Variants in TRAP1 observed in about 807,000 individuals in gnomAD.
TRAP1 encodes the protein TNF receptor associated protein 1.
In TRAP1, 102 loss-of-function variants were observed where a neutral mutation model predicts 89.1. The observed-to-expected ratio is 1.15, with a 90% confidence interval of 0.98 to 1.35. The LOEUF (loss-of-function observed/expected upper bound fraction) is 1.35, where lower values mean the gene tolerates loss of function less well. Ranked by LOEUF, TRAP1 falls within the 40% of genes most tolerant of loss-of-function variation. The pLI is 0.00. For synonymous variants in TRAP1, 508 were observed against 388.0 expected, an observed-to-expected ratio of 1.31 and a Z score of -3.64; for missense variants, 1,256 against 945.3, an observed-to-expected ratio of 1.33 and a Z score of -4.31.
At chr16:3,702,218 G>T (rs1292492461) in intron 1 of TRAP1, among the ~76,000 whole-genome samples, 1 of 151,362 alleles carries the variant, frequency 6.6e-6, no homozygotes, top group Non-Finnish European at 1.5e-5. Flanking sequence ...CACATCGGAT[G>T]AGGAATTCAG....
intron 14 of TRAP1, 97 bp from the exon 15 acceptor site, chr16:3,663,064 C>A: frequency 1.1e-6 from 1 of 928,792 alleles, no homozygotes; most frequent in East Asian, 2.6e-5. Context: ...CACCTCCTCT[C>A]CCACCAGGAT....
At chr16:3,671,902 T>C in intron 10 of TRAP1, 111 bp from the exon 11 acceptor site, 1 of 1,139,910 alleles carries the variant, frequency 8.8e-7, no homozygotes, top group Non-Finnish European at 1.3e-6. Flanking sequence ...CCAGCACGTG[T>C]GCTAAGAGGG....
At chr16:3,663,680 G>A (rs1011381133) in intron 13 of TRAP1, 118 bp from the exon 14 acceptor site, 1 of 1,305,156 alleles carries the variant, frequency 7.7e-7, no homozygotes, top group African/African-American at 1.5e-5. Context: ...GGGAACACCG[G>A]GGCAGTTGGG....
rs1437513612 is a variant in TRAP1 at position 3,663,437 on chromosome 16, C to A, written c.1695G>T (p.Glu565Asp). Residue 565 changes from glutamate to aspartate, a missense_variant, in exon 14 of 18, where the codon GAG (glutamate) becomes GAT (aspartate). Glu to Asp is a conservative substitution (Grantham distance 45). Transcript: ENST00000246957. ...VVDHYKEEKF[E>D]DRSPAAECLS... The stretch of plus-strand genomic sequence containing the variant: ...GGGGATGCCGACCTGGGGACCTGTC[C>A]TCAAACTTCTCCTCCTTGTAGTGAT... 6.2e-7 allele frequency: 1 copy of A among 1,614,126 alleles called. No individual in the cohort carries two copies. The highest frequency in any genetic ancestry group is 8.5e-7 in the Non-Finnish European group (1 of 1,180,006).
rs145646184 is a variant in TRAP1, at chr16:3,668,992, C to T, written c.1235+2730G>A. 3.7e-3 allele frequency among the ~76,000 whole-genome samples: 571 copies of T among 152,330 alleles called. 3 individuals are homozygous for T. The highest frequency in any genetic ancestry group is 0.013 in the African/African-American group (543 of 41,584). ...CTGCCTCCACTTCATCCGTGAGCTT[C>T]CCAGATGAGGCCAGACGTGTCCTCA... On this transcript the variant is annotated intron_variant, in intron 11 of 17. Transcript: ENST00000246957.
At chr16:3,697,679 A>G (rs2051308298) in intron 1 of TRAP1, among the ~76,000 whole-genome samples, 1 of 151,292 alleles carries the variant, frequency 6.6e-6, no homozygotes, top group Non-Finnish European at 1.5e-5. Flanking sequence ...AAAAAAAAAA[A>G]GGAAATTAGT....
At chr16:3,672,924 C>A in intron 9 of TRAP1, 104 bp from the exon 10 acceptor site, 1 of 1,441,538 alleles carries the variant, frequency 6.9e-7, no homozygotes, top group Non-Finnish European at 9.2e-7. Flanking sequence ...CCACTCCCGC[C>A]TCGCCCTCCC....
At chr16:3,692,554 A>G (rs949937344) in intron 1 of TRAP1, among the ~76,000 whole-genome samples, 3 of 150,734 alleles carry the variant, frequency 2.0e-5, no homozygotes, top group African/African-American at 7.3e-5. Context: ...AAAAAAATTA[A>G]CATATCAACT....
chr16:3,659,779 A>G (rs773415561), intron 16 of TRAP1: 1 of 145,762 alleles, frequency 6.9e-6, no homozygotes, highest in African/African-American at 2.6e-5. Flanking sequence ...ATAGATAGAT[A>G]GACTCTCACT....
At chr16:3,710,097 G>C (rs1315560525) in intron 1 of TRAP1, among the ~76,000 whole-genome samples, 1 of 152,156 alleles carries the variant, frequency 6.6e-6, no homozygotes, top group East Asian at 1.9e-4. Flanking sequence ...TCTCTACTAT[G>C]ATATACTGAT....
At chr16:3,662,646 TTC>T (rs1332111792) in intron 15 of TRAP1, 83 of 677,374 alleles carry the variant, frequency 1.2e-4, no homozygotes, top group Middle Eastern at 9.4e-4. Context: ...GGTTTTTCAG[TTC>T]TCAGTTCACA....
intron 1 of TRAP1, among the ~76,000 whole-genome samples, chr16:3,706,361 G>A (rs1208818102): frequency 6.6e-6 from 1 of 151,626 alleles, no homozygotes; most frequent in Non-Finnish European, 1.5e-5. Context: ...GTGCATGGTA[G>A]CCTCCAACTG....
At chr16:3,665,312 C>T (rs1333569132) in intron 12 of TRAP1, 1 of 152,280 alleles carries the variant, frequency 6.6e-6, no homozygotes, top group Non-Finnish European at 1.5e-5. Flanking sequence ...ACGGGATGGG[C>T]TCCTGGGATG....
chr16:3,677,032 C>T (rs2151257545), intron 6 of TRAP1: 1 of 149,092 alleles, frequency 6.7e-6, no homozygotes, highest in South Asian at 1.9e-4. Flanking sequence ...CCAGCCTAGG[C>T]AACAAGAGTA....
chr16:3,673,862 C>G (rs2050950162), intron 9 of TRAP1, among the ~76,000 whole-genome samples: 1 of 77,888 alleles, frequency 1.3e-5, no homozygotes, highest in Non-Finnish European at 2.4e-5. Context: ...CACAGAGAGG[C>G]CAACGGAGAG....
chr16:3,677,293 T>G (rs2051011187), intron 6 of TRAP1, among the ~76,000 whole-genome samples: 1 of 151,994 alleles, frequency 6.6e-6, no homozygotes, highest in Admixed American at 6.6e-5. Context: ...GCAGTGGTGG[T>G]GACCAACCAC....
At chr16:3,695,848 C>G (rs533176221) in intron 1 of TRAP1, among the ~76,000 whole-genome samples, 1 of 152,110 alleles carries the variant, frequency 6.6e-6, no homozygotes, top group Non-Finnish European at 1.5e-5. Context: ...ATTGTGGCTA[C>G]TGAGTTGGGG....
chr16:3,663,496 T>G lies in TRAP1; in HGVS notation c.1636A>C (p.Lys546Gln), dbSNP rs143144399. The G allele has an allele frequency of 2.3e-4, 376 of 1,613,982 alleles. 2 individuals carry two copies. The highest frequency in any genetic ancestry group is 1.5e-3 in the Middle Eastern group (9 of 6,062). ...LLHLREFDKK[K>Q]LISVETDIVV... ...ATGTCCGTCTCCACAGAGATCAGCTTCTTCTTGTCAAACTCACGAAGGTGC... is the reference window on the plus strand; with the variant it reads ...ATGTCCGTCTCCACAGAGATCAGCTGCTTCTTGTCAAACTCACGAAGGTGC... Residue 546 changes from lysine to glutamine, a missense_variant, in exon 14 of 18, where the codon AAG becomes CAG. Physicochemically the swap from Lys to Gln is moderately conservative, Grantham distance 53. Coordinates refer to ENST00000246957, the MANE Select transcript of TRAP1 (RefSeq NM_016292.3).
intron 8 of TRAP1, chr16:3,674,941 G>T (rs905179800): frequency 1.9e-5 from 6 of 321,838 alleles, no homozygotes; most frequent in Non-Finnish European, 2.9e-5. Context: ...AAAGGAGACC[G>T]TGGCTGCTGG....
Sources: allele counts gnomAD v4.1 joint callset (sites outside exome capture counted in the v4.1 genomes callset), GRCh38; gene constraint gnomAD v4.1.1; transcripts MANE v1.5; gene names NCBI Gene and HGNC (gene_info 2026-07-23, HGNC 2026-07-21).